Variants in MUC6 observed in about 807,000 individuals in gnomAD.
MUC6 encodes the protein mucin 6, oligomeric mucus/gel-forming (gene/pseudogene), also known as mucin-6.
In MUC6, 188 loss-of-function variants were observed where a neutral mutation model predicts 201.5. The ratio of observed to expected loss-of-function variants is 0.93; its 90% CI spans 0.83 to 1.05. The LOEUF is 1.05. MUC6 is among the 50% of genes least tolerant of loss of function. MUC6 has a pLI of 0.00. For missense variants in MUC6, 2,706 were observed against 3,256.9 expected, an observed-to-expected ratio of 0.83 and a Z score of 4.12; for synonymous variants, 1,228 against 1,389.4, an observed-to-expected ratio of 0.88 and a Z score of 2.58.
chr11:1,027,211 C>T lies in MUC6; in HGVS notation c.2232-18G>A, dbSNP rs759039889. 4.1e-5 allele frequency: 66 copies of T among 1,612,024 alleles called. 1 individual carries two copies. The South Asian group carries it at 5.8e-4, about 14-fold the overall frequency. On this transcript the variant is annotated intron_variant, in intron 17 of 32. Coordinates refer to ENST00000421673, the MANE Select transcript of MUC6 (RefSeq NM_005961.3). ...TGCAGTGGCTGCAAGAGAGAGGCTG[C>T]GTGAGACCCCGGGACCTGGCAGGGA...
chr11:1,022,931 C>T (rs904347168), intron 26 of MUC6, among the ~76,000 whole-genome samples: 8 of 150,422 alleles, frequency 5.3e-5, no homozygotes, highest in Admixed American at 2.6e-4. Context: ...AGTGAATGTG[C>T]GTGAGTGAAC....
In MUC6 at chr11:1,023,751, G is replaced by A. The variant is rs1170161113; in HGVS notation, c.3383-99C>T. On this transcript the variant is annotated intron_variant, in intron 25 of 32. Coordinates refer to ENST00000421673, the MANE Select transcript of MUC6 (RefSeq NM_005961.3). Reference sequence around the variant, plus strand: ...GCATGCATGGAACCTGAGTGTGGGCGGGGAAGGTCTGGGCCCTCTTGGTGA... The same window carrying A: ...GCATGCATGGAACCTGAGTGTGGGCAGGGAAGGTCTGGGCCCTCTTGGTGA... The A allele has an allele frequency of 1.4e-5, 22 of 1,524,488 alleles. No homozygotes were observed. In the East Asian group the frequency reaches 2.8e-4, roughly 20 times the overall value. The allele number at this position is 1,524,488 out of a possible 1,614,324, so 94.4% of individuals were successfully genotyped here. A position where few individuals can be genotyped will look rare whatever the true frequency, so the allele number is the denominator to read the frequency against.
In MUC6 at chr11:1,013,524, G is replaced by A. The variant is rs778187787; in HGVS notation, c.7252C>T (p.Arg2418Trp). The A allele has an allele frequency of 7.2e-5, 114 of 1,581,838 alleles. No individual in the cohort carries two copies. The highest frequency in any genetic ancestry group is 4.3e-4 in the South Asian group (37 of 86,342). ...ACCTGCAGGGTGAGTACGAGCCGCC[G>A]GCCAGGCGTGCTGGGATCGGGGCAG... ...LPCPDPSTPG[R>W]RLVLTLQVFS... Residue 2418 changes from arginine (R) to tryptophan (W), a missense_variant, in exon 33 of 33, where the codon CGG becomes TGG. By Grantham distance (101) the Arg-to-Trp change is moderately radical. This residue lies in a region of MUC6 where 586 missense variants were observed against 488.0 expected (regional missense o/e 1.20). Transcript: ENST00000421673.
rs1856605067 is a variant in MUC6, at chr11:1,016,208, A to G, written c.6593T>C (p.Phe2198Ser). The change falls in exon 31 of 33, where the codon TTT (phenylalanine) becomes TCT (serine). Residue 2198 changes from phenylalanine (F) to serine (S), a missense_variant. Coordinates refer to ENST00000421673, the MANE Select transcript of MUC6 (RefSeq NM_005961.3). Reference protein sequence around the residue: ...TTASVSASPLFPSSPAASTTI... With the variant: ...TTASVSASPLSPSSPAASTTI... Reference sequence around the variant, plus strand: ...AGTAGAGGCAGCTGGAGAAGAAGGAAAAAGAGGAGATGCAGACACTGATGC... The same window carrying G: ...AGTAGAGGCAGCTGGAGAAGAAGGAGAAAGAGGAGATGCAGACACTGATGC... 2.5e-6 allele frequency: 4 copies of G among 1,613,178 alleles called. No individual in the cohort carries two copies. The highest frequency in any genetic ancestry group is 2.5e-6 in the Non-Finnish European group (3 of 1,179,654).
chr11:1,020,009 C>A (rs761037731), intron 29 of MUC6, 81 bp downstream of exon 29: 2 of 1,499,480 alleles, frequency 1.3e-6, no homozygotes, highest in African/African-American at 2.8e-5. Context: ...GGAAGCAGGG[C>A]CATCCCTAAG....
chr11:1,034,718 G>A (rs1347323180), intron 1 of MUC6, among the ~76,000 whole-genome samples: 1 of 152,210 alleles, frequency 6.6e-6, no homozygotes, highest in Non-Finnish European at 1.5e-5. Flanking sequence ...ATGGGGGGTG[G>A]CACTTGGGGG....
intron 29 of MUC6, 43 bp downstream of exon 29, chr11:1,020,047 C>T: frequency 6.2e-7 from 1 of 1,601,830 alleles, no homozygotes; most frequent in Non-Finnish European, 8.5e-7. Context: ...CCTAGGACCT[C>T]CTGCAGCTGC....
In MUC6 at chr11:1,030,321, G is replaced by T. The variant is rs1484011029; in HGVS notation, c.907C>A (p.Pro303Thr). 1.9e-6 allele frequency: 3 copies of T among 1,548,558 alleles called. No homozygotes were observed. The highest frequency in any genetic ancestry group is 3.9e-5 in the Admixed American group (2 of 50,988). Reference protein sequence around the residue: ...SPGLCSVGQCPANQVYQECGS... With the variant: ...SPGLCSVGQCTANQVYQECGS... ...CACTCCTGGTACACCTGGTTGGCCG[G>T]GCACTGACCCACGGCTGTGGGCACA... The change falls in exon 8 of 33, where the codon CCG becomes ACG. Residue 303 changes from proline (P) to threonine (T), a missense_variant. This residue lies in a region of MUC6 where 1,850 missense variants were observed against 1,958.3 expected (regional missense o/e 0.94). Transcript: ENST00000421673.
At position 1,013,918 on chromosome 11, in the gene MUC6, C is replaced by T. The variant is rs368022175; in HGVS notation, c.7123G>A (p.Ala2375Thr). The change falls in exon 32 of 33, where the codon GCC becomes ACC. Residue 2375 changes from alanine to threonine, a missense_variant. Ala to Thr is a moderately conservative substitution (Grantham distance 58, BLOSUM62 0). This residue lies in a region of MUC6 where 586 missense variants were observed against 488.0 expected (regional missense o/e 1.20). Coordinates refer to ENST00000421673, the MANE Select transcript of MUC6 (RefSeq NM_005961.3). ...ANVTVTRCEG[A>T]CISAASFNII... ...ACTCACCTGGCAGCGGAAATGCAGG[C>T]GCCCTCACAGCGGGTTACCGTCACG... 5.7e-5 allele frequency: 91 copies of T among 1,606,178 alleles called. No homozygotes were observed. The African/African-American group carries it at 9.9e-4, about 17-fold the overall frequency.
intron 1 of MUC6, among the ~76,000 whole-genome samples, chr11:1,034,512 C>T (rs919267047): frequency 3.3e-4 from 51 of 152,324 alleles, no homozygotes; most frequent in African/African-American, 1.2e-3. Flanking sequence ...CGCAGCACAC[C>T]GAACCCTCAG....
At position 1,017,421 on chromosome 11, in the gene MUC6, G is replaced by A; in HGVS notation, c.5380C>T (p.Pro1794Ser). The A allele has an allele frequency of 7.8e-7, 1 of 1,289,356 alleles. No individual in the cohort carries two copies. The highest frequency in any genetic ancestry group is 1.1e-6 in the Non-Finnish European group (1 of 911,660). 79.9% of individuals were successfully genotyped at this position (1,289,356 alleles called of 1,614,324 possible). A position where few individuals can be genotyped will look rare whatever the true frequency, so the allele number is the denominator to read the frequency against. Residue 1794 changes from proline (P) to serine (S), a missense_variant, in exon 31 of 33, where the codon CCC (proline) becomes TCC (serine). By Grantham distance (74) the Pro-to-Ser change is moderately conservative. This residue lies in a region of MUC6 where 25 missense variants were observed against 138.4 expected (regional missense o/e 0.18). Coordinates refer to ENST00000421673, the MANE Select transcript of MUC6 (RefSeq NM_005961.3). ...HTTSATSSRL[P>S]TPFTTHSPPT... Reference sequence around the variant, plus strand: ...GGGGAGTGTGTGGTGAAGGGTGTGGGTAGCCTGCTGCTGGTGGCCGACGTG... The same window carrying A: ...GGGGAGTGTGTGGTGAAGGGTGTGGATAGCCTGCTGCTGGTGGCCGACGTG...
In MUC6 at chr11:1,024,993, C is replaced by G. The variant is rs763552223; in HGVS notation, c.3076G>C (p.Glu1026Gln). ...RSRYVASSEL[E>Q]LVNSWKESPL... ...CTCTCCTTCCACGAGTTCACCAACTCCAGCTCGCTGGATGCCACGTACCTG... is the reference window on the plus strand; with the variant it reads ...CTCTCCTTCCACGAGTTCACCAACTGCAGCTCGCTGGATGCCACGTACCTG... Residue 1026 changes from glutamate (E) to glutamine (Q), a missense_variant, in exon 24 of 33, where the codon GAG (glutamate) becomes CAG (glutamine). Glu to Gln is a conservative substitution (Grantham distance 29). Around this residue, in one of 10 missense-constraint regions of MUC6, gnomAD observed 1,850 missense variants for 1,958.3 expected, o/e 0.94. Coordinates refer to ENST00000421673, the MANE Select transcript of MUC6 (RefSeq NM_005961.3). The G allele has an allele frequency of 2.4e-5, 39 of 1,613,076 alleles. No homozygotes were observed. Among genetic ancestry groups the G allele is most frequent in the Non-Finnish European group, 2.7e-5 (32 of 1,179,884 alleles).
intron 31 of MUC6, 48 bp downstream of exon 31, chr11:1,015,714 T>G: frequency 1.3e-6 from 2 of 1,499,176 alleles, no homozygotes; most frequent in South Asian, 2.8e-5. Flanking sequence ...CTGGGAGTCA[T>G]GAGCACAGAG....
chr11:1,018,737 G>T lies in MUC6; in HGVS notation c.4064C>A (p.Thr1355Lys). ...KSTNQELPGT[T>K]ATQTTGPRPT... Reference sequence around the variant, plus strand: ...ACGTGGGCCTGTCGTCTGGGTGGCCGTTGTTCCTGGCAGTTCCTGATTGGT... The same window carrying T: ...ACGTGGGCCTGTCGTCTGGGTGGCCTTTGTTCCTGGCAGTTCCTGATTGGT... The change falls in exon 31 of 33, where the codon ACG becomes AAG. Residue 1355 changes from threonine to lysine, a missense_variant. By Grantham distance (78) the Thr-to-Lys change is moderately conservative. Transcript: ENST00000421673. The T allele has an allele frequency of 6.3e-7, 1 of 1,579,944 alleles. No individual in the cohort carries two copies. The highest frequency in any genetic ancestry group is 8.6e-7 in the Non-Finnish European group (1 of 1,166,174).
chr11:1,026,212 G>A (rs1394663177), intron 20 of MUC6, 71 bp from the exon 21 acceptor site: 90 of 1,533,076 alleles, frequency 5.9e-5, no homozygotes, highest in Non-Finnish European at 7.2e-5. Context: ...CCCTGGAGAG[G>A]CCAGACTGCA....
intron 2 of MUC6, among the ~76,000 whole-genome samples, 158 bp downstream of exon 2, chr11:1,032,855 T>C (rs1857141310): frequency 6.6e-6 from 1 of 151,792 alleles, no homozygotes; most frequent in Non-Finnish European, 1.5e-5. Context: ...ATTGGGTATG[T>C]GTGTGTGTTG....
Position 1,013,574 on chromosome 11 carries a change from G to T in MUC6, c.7202C>A (p.Ser2401Tyr), listed in dbSNP as rs1198314838. ...GGGCAGCTCCAGCTGCTGCTCATAGGAGTGGAGGGGGCGGCAGCAGCTGCA... is the reference window on the plus strand; with the variant it reads ...GGGCAGCTCCAGCTGCTGCTCATAGTAGTGGAGGGGGCGGCAGCAGCTGCA... ...ARCSCCRPLH[S>Y]YEQQLELPCP... is the part of the protein sequence containing the mutation. Residue 2401 changes from serine (S) to tyrosine (Y), a missense_variant, in exon 33 of 33, where the codon TCC becomes TAC. Physicochemically the swap from Ser to Tyr is moderately radical, Grantham distance 144 (BLOSUM62 -2). Transcript: ENST00000421673. 6.4e-7 allele frequency: 1 copy of T among 1,572,628 alleles called. No homozygotes were observed. The highest frequency in any genetic ancestry group is 2.4e-5 in the East Asian group (1 of 42,504).
intron 32 of MUC6, 68 bp downstream of exon 32, chr11:1,013,830 GA>G: frequency 6.6e-7 from 1 of 1,509,438 alleles, no homozygotes; most frequent in Non-Finnish European, 9.0e-7. Context: ...TGGGGTGCCC[GA>G]ACCTCTCTGG....
intron 31 of MUC6, among the ~76,000 whole-genome samples, chr11:1,015,153 G>A (rs1199522306): frequency 6.6e-6 from 1 of 152,194 alleles, no homozygotes; most frequent in Non-Finnish European, 1.5e-5. Flanking sequence ...AAGGCCTGAG[G>A]TGTGCTCTGT....
Sources: allele counts gnomAD v4.1 joint callset (sites outside exome capture counted in the v4.1 genomes callset), GRCh38; gene constraint gnomAD v4.1.1; regional missense constraint gnomAD v4.1.1; transcripts MANE v1.5; gene names NCBI Gene and HGNC (gene_info 2026-07-23, HGNC 2026-07-21).